IL3: variants seen among roughly 807,000 people sequenced by gnomAD.
IL3 encodes interleukin-3.
A neutral mutation model predicts 15.4 loss-of-function variants in IL3; 15 were observed. That is an observed-to-expected ratio of 0.97 (90% CI 0.65 to 1.50). The LOEUF is 1.50. IL3 is among the 40% of genes most tolerant of loss of function. IL3 has a pLI of 0.00. For synonymous variants in IL3, 74 were observed against 79.3 expected, an observed-to-expected ratio of 0.93 and a Z score of 0.36; for missense variants, 162 against 192.2, an observed-to-expected ratio of 0.84 and a Z score of 0.93.
In IL3 at chr5:132,062,408, G is replaced by A. The variant is rs753741933; in HGVS notation, c.294+7G>A. ...AATTGAGAGCATTCTTAAAGTATGT[G>A]AAGCTGTTGAGGGTTTGGGATCCCT... On this transcript the variant is annotated splice_region_variant and intron_variant, in intron 3 of 4. Coordinates refer to ENST00000296870, the MANE Select transcript of IL3 (RefSeq NM_000588.4). The A allele has an allele frequency of 1.6e-5, 26 of 1,613,576 alleles. No homozygotes were observed. The South Asian group carries it at 2.7e-4, about 17-fold the overall frequency.
rs1320043317 is a variant in IL3 at position 132,060,827 on chromosome 5, G to C, written c.121G>C (p.Glu41Gln). ...GGTTAACTGCTCTAACATGATCGAT[G>C]AAATTATAACACACTTAAAGCAGCC... ...SWVNCSNMID[E>Q]IITHLKQPPL... The change falls in exon 1 of 5, where the codon GAA (glutamate) becomes CAA (glutamine). Residue 41 changes from glutamate (E) to glutamine (Q), a missense_variant. By Grantham distance (29) the Glu-to-Gln change is conservative. Transcript: ENST00000296870. 1.9e-6 allele frequency: 3 copies of C among 1,614,248 alleles called. No homozygotes were observed. In the East Asian group the frequency reaches 6.7e-5, roughly 36 times the overall value.
chr5:132,063,051 T>G lies in IL3; in HGVS notation c.*260T>G. On this transcript the variant is annotated 3_prime_UTR_variant, in exon 5 of 5. Coordinates refer to ENST00000296870, the MANE Select transcript of IL3 (RefSeq NM_000588.4). ...ATGTATGTATGTATTTATTTATTTA[T>G]TGCCTGGAGTGTGAACTGTATTTAT... is the stretch of plus-strand genomic sequence containing the variant. The G allele has an allele frequency of 2.5e-6, 1 of 396,044 alleles. No individual in the cohort carries two copies. Among genetic ancestry groups the G allele is most frequent in the Non-Finnish European group, 4.5e-6 (1 of 221,340 alleles). The allele number at this position is 396,044 out of a possible 1,614,324, so 24.5% of individuals were successfully genotyped here.
Position 132,062,703 on chromosome 5 carries a change from A to G in IL3, c.371A>G (p.Asn124Ser). The change falls in exon 5 of 5, where the codon AAT becomes AGT. Residue 124 changes from asparagine to serine, a missense_variant. By Grantham distance (46) the Asn-to-Ser change is conservative. Transcript: ENST00000296870. ...ATCCATATCAAGGACGGTGACTGGA[A>G]TGAATTCCGGAGGAAACTGACGTTC... ...HPIHIKDGDW[N>S]EFRRKLTFYL... 1 of 1,614,240 alleles carries G rather than the reference A, an allele frequency of 6.2e-7. No homozygotes were observed. Among genetic ancestry groups the G allele is most frequent in the East Asian group, 2.2e-5 (1 of 44,894 alleles).
At position 132,060,705 on chromosome 5, in the gene IL3, A is replaced by G. The variant is rs749131197; in HGVS notation, c.-2A>G. On this transcript the variant is annotated 5_prime_UTR_variant, in exon 1 of 5. Coordinates refer to ENST00000296870, the MANE Select transcript of IL3 (RefSeq NM_000588.4). Reference sequence around the variant, plus strand: ...GACAGAGTGCCTCCTGCCGATCCAAACATGAGCCGCCTGCCCGTCCTGCTC... The same window carrying G: ...GACAGAGTGCCTCCTGCCGATCCAAGCATGAGCCGCCTGCCCGTCCTGCTC... 3 of 1,612,654 alleles carry G rather than the reference A, an allele frequency of 1.9e-6. No homozygotes were observed. The highest frequency in any genetic ancestry group is 2.5e-6 in the Non-Finnish European group (3 of 1,179,984).
chr5:132,062,590 C>A (rs750054118), intron 4 of IL3, 23 bp downstream of exon 4: 54 of 1,613,534 alleles, frequency 3.3e-5, no homozygotes, highest in Non-Finnish European at 4.3e-5. Context: ...CCAAGATGCC[C>A]GTCATGGCTT....
At chr5:132,061,956 G>T (rs1239399491) in intron 2 of IL3, among the ~76,000 whole-genome samples, 1 of 152,112 alleles carries the variant, frequency 6.6e-6, no homozygotes, top group Non-Finnish European at 1.5e-5. Flanking sequence ...TAGAGACGGG[G>T]TTTCACCATA....
At position 132,060,747 on chromosome 5, in the gene IL3, T is replaced by C; in HGVS notation, c.41T>C (p.Val14Ala). 6.2e-7 allele frequency: 1 copy of C among 1,613,830 alleles called. No homozygotes were observed. The highest frequency in any genetic ancestry group is 1.3e-5 in the African/African-American group (1 of 75,044). Reference protein sequence around the residue: ...LPVLLLLQLLVRPGLQAPMTQ... With the variant: ...LPVLLLLQLLARPGLQAPMTQ... ...GTCCTGCTCCTGCTCCAACTCCTGG[T>C]CCGCCCCGGACTCCAAGCTCCCATG... Residue 14 changes from valine (V) to alanine (A), a missense_variant, in exon 1 of 5, where the codon GTC (valine) becomes GCC (alanine). Transcript: ENST00000296870.
In IL3 at chr5:132,063,020, T is replaced by G; in HGVS notation, c.*229T>G. The G allele has an allele frequency of 1.9e-6, 1 of 525,400 alleles. No individual in the cohort carries two copies. Among genetic ancestry groups the G allele is most frequent in the Non-Finnish European group, 3.3e-6 (1 of 300,938 alleles). The allele number at this position is 525,400 out of a possible 1,614,324, so 32.5% of individuals were successfully genotyped here. On this transcript the variant is annotated 3_prime_UTR_variant, in exon 5 of 5. Coordinates refer to ENST00000296870, the MANE Select transcript of IL3 (RefSeq NM_000588.4). ...CTCATTTTTATCCCATTGAGACTAT[T>G]TATTTATGTATGTATGTATTTATTT...
intron 2 of IL3, 77 bp from the exon 3 acceptor site, chr5:132,062,235 T>C (rs1241942297): frequency 2.6e-6 from 3 of 1,169,966 alleles, no homozygotes; most frequent in African/African-American, 1.5e-5. Context: ...TGGGAAACTG[T>C]GGGGGTGACT....
Position 132,060,664 on chromosome 5 carries a change from C to G in IL3, c.-43C>G. 6.2e-7 allele frequency: 1 copy of G among 1,607,674 alleles called. No homozygotes were observed. Among genetic ancestry groups the G allele is most frequent in the Non-Finnish European group, 8.5e-7 (1 of 1,177,656 alleles). On this transcript the variant is annotated 5_prime_UTR_variant, in exon 1 of 5. Coordinates refer to ENST00000296870, the MANE Select transcript of IL3 (RefSeq NM_000588.4). Reference sequence around the variant, plus strand: ...CTGTTGCCAACTCTTCAGAGCCCCACGAAGGACCAGAACAAGACAGAGTGC... The same window carrying G: ...CTGTTGCCAACTCTTCAGAGCCCCAGGAAGGACCAGAACAAGACAGAGTGC...
intron 1 of IL3, 43 bp from the exon 2 acceptor site, chr5:132,060,924 G>T: frequency 1.9e-6 from 3 of 1,613,188 alleles, no homozygotes; most frequent in Non-Finnish European, 2.5e-6. Flanking sequence ...GCTGCCTAAG[G>T]CCAAAAGGCC....
chr5:132,061,021 CCCGTGGATCCCGAT>C lies in IL3; in HGVS notation c.204+16_204+29del. On this transcript the variant is annotated intron_variant, in intron 2 of 4. Coordinates refer to ENST00000296870, the MANE Select transcript of IL3 (RefSeq NM_000588.4). ...AGACATTCTGATGGTAAGAGCTCAG[CCCGTGGATCCCGAT>C]CCACTTCCTGCCTGGGTGACTTCAG... 1 of 1,613,362 alleles carries C rather than the reference CCCGTGGATCCCGAT, an allele frequency of 6.2e-7. No homozygotes were observed. Among genetic ancestry groups the C allele is most frequent in the Non-Finnish European group, 8.5e-7 (1 of 1,179,324 alleles).
intron 2 of IL3, 73 bp from the exon 3 acceptor site, chr5:132,062,239 G>A: frequency 8.3e-7 from 1 of 1,209,254 alleles, no homozygotes; most frequent in East Asian, 2.3e-5. Flanking sequence ...AAACTGTGGG[G>A]GTGACTTCCA....
At position 132,062,550 on chromosome 5, in the gene IL3, G is replaced by C. The variant is rs1052973555; in HGVS notation, c.319G>C (p.Ala107Pro). The C allele has an allele frequency of 1.1e-5, 18 of 1,614,020 alleles. No homozygotes were observed. The highest frequency in any genetic ancestry group is 1.5e-5 in the Non-Finnish European group (18 of 1,180,034). The change falls in exon 4 of 5, where the codon GCC (alanine) becomes CCC (proline). Residue 107 changes from alanine (A) to proline (P), a missense_variant. Transcript: ENST00000296870. ...GAATCTCCTGCCATGTCTGCCCCTG[G>C]CCACGGCCGCACCCACGGTAAGCTG... ...LKNLLPCLPL[A>P]TAAPTRHPIH...
In IL3 at chr5:132,062,781, C is replaced by T. The variant is rs542706202; in HGVS notation, c.449C>T (p.Ala150Val). 33 of 1,613,258 alleles carry T rather than the reference C, an allele frequency of 2.0e-5. No individual in the cohort carries two copies. Among genetic ancestry groups the T allele is most frequent in the South Asian group, 1.6e-4 (15 of 91,052 alleles). Reference protein sequence around the residue: ...AQAQQTTLSLAIF With the variant: ...AQAQQTTLSLVIF Reference sequence around the variant, plus strand: ...GCTCAACAGACGACTTTGAGCCTCGCGATCTTTTGAGTCCAACGTCCAGCT... The same window carrying T: ...GCTCAACAGACGACTTTGAGCCTCGTGATCTTTTGAGTCCAACGTCCAGCT... Residue 150 changes from alanine (A) to valine (V), a missense_variant, in exon 5 of 5, where the codon GCG becomes GTG. Ala to Val is a moderately conservative substitution (Grantham distance 64). Transcript: ENST00000296870.
rs1208879238 is a variant in IL3, at chr5:132,062,718, A to G, written c.386A>G (p.Lys129Arg). The G allele has an allele frequency of 6.2e-7, 1 of 1,614,214 alleles. No individual in the cohort carries two copies. Among genetic ancestry groups the G allele is most frequent in the Admixed American group, 1.7e-5 (1 of 60,034 alleles). ...GGTGACTGGAATGAATTCCGGAGGA[A>G]ACTGACGTTCTATCTGAAAACCCTT... Reference protein sequence around the residue: ...KDGDWNEFRRKLTFYLKTLEN... With the variant: ...KDGDWNEFRRRLTFYLKTLEN... The change falls in exon 5 of 5, where the codon AAA becomes AGA. Residue 129 changes from lysine (K) to arginine (R), a missense_variant. Lys to Arg is a conservative substitution (Grantham distance 26, BLOSUM62 2). Coordinates refer to ENST00000296870, the MANE Select transcript of IL3 (RefSeq NM_000588.4).
chr5:132,060,848 C>G lies in IL3; in HGVS notation c.142C>G (p.Gln48Glu), dbSNP rs373099443. Residue 48 changes from glutamine (Q) to glutamate (E), a missense_variant, in exon 1 of 5, where the codon CAG becomes GAG. Physicochemically the swap from Gln to Glu is conservative, Grantham distance 29 (BLOSUM62 2). Transcript: ENST00000296870. ...CGATGAAATTATAACACACTTAAAG[C>G]AGCCACCTTTGCCTTTGCTGGTGAG... is the stretch of plus-strand genomic sequence containing the variant. ...MIDEIITHLK[Q>E]PPLPLLDFNN... 1 of 1,614,152 alleles carries G rather than the reference C, an allele frequency of 6.2e-7. No homozygotes were observed. The highest frequency in any genetic ancestry group is 8.5e-7 in the Non-Finnish European group (1 of 1,179,962).
Position 132,062,692 on chromosome 5 carries a change from C to T in IL3, c.360C>T (p.Asp120=), listed in dbSNP as rs564295569. Residue 120 remains aspartate, a synonymous_variant, in exon 5 of 5, where the codon GAC becomes GAT. Transcript: ENST00000296870. ...AGCGACATCCAATCCATATCAAGGA[C>T]GGTGACTGGAATGAATTCCGGAGGA... The part of the protein sequence containing the change: ...APTRHPIHIK[D]GDWNEFRRKL... 23 of 1,614,052 alleles carry T rather than the reference C, an allele frequency of 1.4e-5. No homozygotes were observed. The highest frequency in any genetic ancestry group is 6.6e-5 in the South Asian group (6 of 91,086).
intron 2 of IL3, among the ~76,000 whole-genome samples, 191 bp downstream of exon 2, chr5:132,061,199 C>T (rs1354226162): frequency 6.6e-6 from 1 of 152,188 alleles, no homozygotes; most frequent in Non-Finnish European, 1.5e-5. Context: ...CTTAAGAGTT[C>T]AATACATGGC....
Sources: gnomAD v4.1 joint callset for allele counts (sites outside exome capture counted in the v4.1 genomes callset) on GRCh38, gnomAD v4.1.1 for gene constraint, MANE v1.5 for transcripts, NCBI Gene and HGNC (gene_info 2026-07-23, HGNC 2026-07-21) for gene names.